The following LHCGR variants were observed in gnomAD, a reference collection of about 807,000 sequenced individuals.
LHCGR encodes the protein luteinizing hormone/choriogonadotropin receptor, also known as lutropin-choriogonadotropic hormone receptor.
In LHCGR, 55 loss-of-function variants were observed where a neutral mutation model predicts 60.7. The observed-to-expected ratio is 0.91, with a 90% CI of 0.73 to 1.13. LHCGR has a LOEUF of 1.13. Among genes scored for constraint, LHCGR ranks in the 50% most tolerant of loss-of-function variants. The probability of loss-of-function intolerance (pLI) is 0.00; values close to 1 mark genes in which losing one functional copy is unlikely to be tolerated. For synonymous variants in LHCGR, 337 were observed against 316.5 expected (o/e 1.06, Z -0.69); for missense variants, 862 against 836.0 (o/e 1.03, Z -0.38).
intron 8 of LHCGR, among the ~76,000 whole-genome samples, chr2:48,703,133 T>G (rs2104404037): frequency 1.3e-5 from 2 of 152,346 alleles, no homozygotes; most frequent in East Asian, 3.9e-4. Context: ...GTGTTTTTCT[T>G]GTAAATTTGT....
At chr2:48,753,389 C>G (rs763036882) in intron 1 of LHCGR, among the ~76,000 whole-genome samples, 2 of 152,170 alleles carry the variant, frequency 1.3e-5, no homozygotes, top group Non-Finnish European at 2.9e-5. Context: ...CACAGAGTGA[C>G]AAGGGCATCT....
chr2:48,719,529 C>G (rs938794444), intron 6 of LHCGR, among the ~76,000 whole-genome samples: 2 of 152,120 alleles, frequency 1.3e-5, no homozygotes, highest in Non-Finnish European at 2.9e-5. Context: ...GACCAATCAC[C>G]TAGAATATTT....
chr2:48,747,361 G>C (rs900111304), intron 1 of LHCGR, among the ~76,000 whole-genome samples: 5 of 152,158 alleles, frequency 3.3e-5, no homozygotes, highest in Non-Finnish European at 7.3e-5. Context: ...AGAAGTGCTG[G>C]GATTACAGGC....
At chr2:48,750,968 G>T (rs1056437035) in intron 1 of LHCGR, among the ~76,000 whole-genome samples, 1 of 152,226 alleles carries the variant, frequency 6.6e-6, no homozygotes, top group African/African-American at 2.4e-5. Context: ...ATTGTCAATT[G>T]TCAATATTGC....
At chr2:48,699,590 C>A (rs77653396) in intron 8 of LHCGR, among the ~76,000 whole-genome samples, 51 of 152,356 alleles carry the variant, frequency 3.3e-4, no homozygotes, top group African/African-American at 1.1e-3. Context: ...TCATGAAGCA[C>A]AGCCTGGTTA....
chr2:48,752,567 T>C (rs1275135637), intron 1 of LHCGR, among the ~76,000 whole-genome samples: 1 of 151,714 alleles, frequency 6.6e-6, no homozygotes, highest in African/African-American at 2.4e-5. Flanking sequence ...CTTGCCATCA[T>C]AGCAGTTTTC....
intron 3 of LHCGR, among the ~76,000 whole-genome samples, chr2:48,726,185 C>A (rs967224308): frequency 6.6e-6 from 1 of 152,090 alleles, no homozygotes; most frequent in African/African-American, 2.4e-5. Context: ...TTCATATTGG[C>A]CGGCAATCAC....
intron 1 of LHCGR, among the ~76,000 whole-genome samples, chr2:48,743,495 A>G (rs1315256605): frequency 7.9e-5 from 12 of 152,182 alleles, no homozygotes; most frequent in Non-Finnish European, 1.2e-4. Context: ...CTTATCCACC[A>G]TGATCAAGTG....
chr2:48,718,871 G>A (rs1325785244), intron 6 of LHCGR, among the ~76,000 whole-genome samples: 1 of 152,192 alleles, frequency 6.6e-6, no homozygotes, highest in Admixed American at 6.5e-5. Context: ...AGTCTCTATA[G>A]CAATGGATCC....
At position 48,710,989 on chromosome 2, in the gene LHCGR, C is replaced by A. The variant is rs1047388677; in HGVS notation, c.606-1967G>T. On this transcript the variant is annotated intron_variant, in intron 7 of 10. Transcript: ENST00000294954. ...CTGCTCAGTCCTGCTCCATCTCCTTCATCTCCAGTCTCCCCCTTGCTAAAG... is the reference window on the plus strand; with the variant it reads ...CTGCTCAGTCCTGCTCCATCTCCTTAATCTCCAGTCTCCCCCTTGCTAAAG... Among the ~76,000 whole-genome samples the A allele has an allele frequency of 2.6e-5, 4 of 152,314 alleles. No homozygotes were observed. The East Asian group carries it at 7.7e-4, about 29-fold the overall frequency.
intron 8 of LHCGR, among the ~76,000 whole-genome samples, chr2:48,700,657 G>T (rs1208465613): frequency 6.6e-6 from 1 of 152,194 alleles, no homozygotes; most frequent in East Asian, 1.9e-4. Context: ...CTGCCTACAG[G>T]ATGTGCTAAA....
chr2:48,743,900 A>T (rs1213027185), intron 1 of LHCGR, among the ~76,000 whole-genome samples: 1 of 151,660 alleles, frequency 6.6e-6, no homozygotes, highest in Non-Finnish European at 1.5e-5. Context: ...GAGGAAGTCA[A>T]ATTGTCCCTG....
intron 1 of LHCGR, among the ~76,000 whole-genome samples, chr2:48,745,653 A>G (rs1049617855): frequency 7.3e-6 from 1 of 136,582 alleles, no homozygotes; most frequent in Non-Finnish European, 1.5e-5. Flanking sequence ...CAGTGAGAAC[A>G]CATGGACACA....
rs575237555 is a variant in LHCGR at position 48,706,783 on chromosome 2, A to T, written c.680+2165T>A. ...TCTACACTGATTTTTCTAGTTAGCCATTCGCCTAACCTTTTTTCATGGTTT... is the reference window on the plus strand; with the variant it reads ...TCTACACTGATTTTTCTAGTTAGCCTTTCGCCTAACCTTTTTTCATGGTTT... On this transcript the variant is annotated intron_variant, in intron 8 of 10. Coordinates refer to ENST00000294954, the MANE Select transcript of LHCGR (RefSeq NM_000233.4). 2.6e-5 allele frequency among the ~76,000 whole-genome samples: 4 copies of T among 152,206 alleles called. No homozygotes were observed. In the East Asian group the frequency reaches 7.7e-4, roughly 29 times the overall value.
intron 7 of LHCGR, among the ~76,000 whole-genome samples, chr2:48,710,440 A>G (rs1421305673): frequency 1.3e-5 from 2 of 152,202 alleles, no homozygotes; most frequent in Non-Finnish European, 2.9e-5. Flanking sequence ...AAATTTCGTG[A>G]CAGAGCATTT....
At chr2:48,697,552 C>G (rs1163856483) in intron 9 of LHCGR, among the ~76,000 whole-genome samples, 1 of 152,122 alleles carries the variant, frequency 6.6e-6, no homozygotes, top group Non-Finnish European at 1.5e-5. Flanking sequence ...TCTCAGCTAC[C>G]CAAAAAGCCT....
At chr2:48,708,553 CA>C (rs879863753) in intron 8 of LHCGR, among the ~76,000 whole-genome samples, 485 of 3,998 alleles carry the variant, frequency 0.12, 4 homozygotes, top group Non-Finnish European at 0.15. Flanking sequence ...CCCACCCACA[CA>C]CACACACACA....
intron 4 of LHCGR, among the ~76,000 whole-genome samples, chr2:48,725,420 A>G (rs1056832036): frequency 1.3e-5 from 2 of 152,184 alleles, no homozygotes; most frequent in Non-Finnish European, 2.9e-5. Flanking sequence ...CTTGAAAATC[A>G]CTACAGAGGG....
At chr2:48,737,472 C>G (rs924414611) in intron 1 of LHCGR, among the ~76,000 whole-genome samples, 3 of 152,174 alleles carry the variant, frequency 2.0e-5, no homozygotes, top group Admixed American at 1.3e-4. Flanking sequence ...TTAAGAAGTT[C>G]TGTGTTCTTT....
Sources: gnomAD v4.1 joint callset for allele counts (sites outside exome capture counted in the v4.1 genomes callset) on GRCh38, gnomAD v4.1.1 for gene constraint, MANE v1.5 for transcripts, NCBI Gene and HGNC (gene_info 2026-07-23, HGNC 2026-07-21) for gene names.